The following CCDC6 variants were observed in gnomAD, a reference collection of about 807,000 sequenced individuals.
CCDC6 encodes coiled-coil domain containing 6.
Under a neutral mutation model 56.6 loss-of-function variants are expected in CCDC6, and 20 were observed. The ratio of observed to expected loss-of-function variants is 0.35; its 90% CI spans 0.25 to 0.51. The LOEUF (loss-of-function observed/expected upper bound fraction) is 0.51. Among genes scored for constraint, CCDC6 ranks in the 20% least tolerant of loss-of-function variants. The pLI is 0.95. For missense variants in CCDC6, 367 were observed against 601.1 expected (o/e 0.61, Z 4.07); for synonymous variants, 241 against 234.4 (o/e 1.03, Z -0.26).
At chr10:59,857,943 G>T (rs1474672165) in intron 1 of CCDC6, among the ~76,000 whole-genome samples, 4 of 152,164 alleles carry the variant, frequency 2.6e-5, no homozygotes, top group Non-Finnish European at 4.4e-5. Context: ...TGTTTAAACT[G>T]TCCTTTCCTA....
intron 1 of CCDC6, among the ~76,000 whole-genome samples, chr10:59,856,508 T>C (rs974298325): frequency 6.6e-6 from 1 of 152,184 alleles, no homozygotes; most frequent in Non-Finnish European, 1.5e-5. Context: ...TCAGTCTCTG[T>C]CTTAGTCCTG....
chr10:59,849,217 G>C (rs776367658), intron 2 of CCDC6, among the ~76,000 whole-genome samples: 1 of 152,112 alleles, frequency 6.6e-6, no homozygotes, highest in Non-Finnish European at 1.5e-5. Context: ...CCATGGCCTG[G>C]GCTCAGAAAG....
intron 1 of CCDC6, among the ~76,000 whole-genome samples, chr10:59,874,749 G>A (rs1293836478): frequency 1.3e-5 from 2 of 152,208 alleles, no homozygotes; most frequent in Non-Finnish European, 2.9e-5. Flanking sequence ...AGATCAGAGT[G>A]ATGCCTAATG....
chr10:59,836,995 T>C (rs770182615), intron 2 of CCDC6, among the ~76,000 whole-genome samples: 8 of 152,270 alleles, frequency 5.3e-5, no homozygotes, highest in Non-Finnish European at 1.2e-4. Context: ...TGATTAGATA[T>C]ATAGTCTCAA....
chr10:59,896,263 AGCAACCAT>A (rs2071462567), intron 1 of CCDC6, among the ~76,000 whole-genome samples: 1 of 152,224 alleles, frequency 6.6e-6, no homozygotes, highest in Non-Finnish European at 1.5e-5. Flanking sequence ...AAAAATAAAA[AGCAACCAT>A]GATCTGTGAA....
intron 3 of CCDC6, among the ~76,000 whole-genome samples, chr10:59,815,597 T>G (rs1589038719): frequency 6.6e-6 from 1 of 152,136 alleles, no homozygotes; most frequent in East Asian, 1.9e-4. Flanking sequence ...AGAGGGCTGG[T>G]AAGAGAGACT....
At chr10:59,886,039 A>C (rs2132678901) in intron 1 of CCDC6, among the ~76,000 whole-genome samples, 1 of 152,184 alleles carries the variant, frequency 6.6e-6, no homozygotes, top group Non-Finnish European at 1.5e-5. Flanking sequence ...AGAATGAACA[A>C]AGTTTTGTAA....
Position 59,852,649 on chromosome 10 carries a change from T to C in CCDC6, c.357A>G (p.Lys119=). The C allele has an allele frequency of 6.2e-7, 1 of 1,605,958 alleles. No individual in the cohort carries two copies. The highest frequency in any genetic ancestry group is 1.1e-5 in the South Asian group (1 of 89,322). Residue 119 remains lysine (K), a synonymous_variant, in exon 2 of 9, where the codon AAA becomes AAG. Transcript: ENST00000263102. ...EEFISNTLFK[K]IQALQKEKET... ...CTTTCTCCTTCTGCAAAGCCTGAAT[T>C]TTCTTGAATAAAGTGTTACTAATGA...
intron 1 of CCDC6, among the ~76,000 whole-genome samples, chr10:59,894,969 A>G (rs2071450961): frequency 1.3e-5 from 2 of 152,202 alleles, no homozygotes; most frequent in Non-Finnish European, 2.9e-5. Flanking sequence ...AGAACTGTAT[A>G]GGAACTTCTA....
At position 59,876,073 on chromosome 10, in the gene CCDC6, C is replaced by CTTTTTTT. The variant is rs1172379933; in HGVS notation, c.304-23378_304-23372dup. 5.3e-3 allele frequency among the ~76,000 whole-genome samples: 513 copies of CTTTTTTT among 97,542 alleles called. 137 individuals carry two copies. The highest frequency in any genetic ancestry group is 0.015 in the African/African-American group (368 of 24,206). The allele number at this position is 97,542 out of a possible 152,430, so 64.0% of individuals were successfully genotyped here. A position where few individuals can be genotyped will look rare whatever the true frequency, so the allele number is the denominator to read the frequency against. Reference sequence around the variant, plus strand: ...CATACACGAGTGCATGCACAGATGTCTTTTTTTTTTTTTTTTTTCAGATCG... The same window carrying CTTTTTTT: ...CATACACGAGTGCATGCACAGATGTCTTTTTTTTTTTTTTTTTTTTTTTTTCAGATCG... On this transcript the variant is annotated intron_variant, in intron 1 of 8. Transcript: ENST00000263102.
chr10:59,851,777 G>A (rs1337434554), intron 2 of CCDC6, among the ~76,000 whole-genome samples: 1 of 152,094 alleles, frequency 6.6e-6, no homozygotes, highest in Admixed American at 6.5e-5. Flanking sequence ...TAATAATGTT[G>A]ATAATTTTAT....
At chr10:59,796,937 C>T (rs2070525097) in intron 7 of CCDC6, among the ~76,000 whole-genome samples, 1 of 149,168 alleles carries the variant, frequency 6.7e-6, no homozygotes, top group Non-Finnish European at 1.5e-5. Flanking sequence ...TGCCACTGCA[C>T]TCCAGCCTGG....
chr10:59,897,508 G>C (rs1457709126), intron 1 of CCDC6, among the ~76,000 whole-genome samples: 2 of 152,058 alleles, frequency 1.3e-5, no homozygotes, highest in Non-Finnish European at 2.9e-5. Context: ...GCCTGCCTCG[G>C]CCTCCCCAAA....
At chr10:59,898,128 G>A (rs1340640942) in intron 1 of CCDC6, among the ~76,000 whole-genome samples, 1 of 152,044 alleles carries the variant, frequency 6.6e-6, no homozygotes, top group East Asian at 1.9e-4. Context: ...GATAGTTTCG[G>A]ATTAAAAACT....
At chr10:59,892,403 T>C (rs2071428917) in intron 1 of CCDC6, among the ~76,000 whole-genome samples, 2 of 152,114 alleles carry the variant, frequency 1.3e-5, no homozygotes, top group South Asian at 4.1e-4. Context: ...ACCAAACCCT[T>C]GGAAACCCAC....
intron 1 of CCDC6, among the ~76,000 whole-genome samples, chr10:59,871,558 C>A (rs1019986700): frequency 6.6e-6 from 1 of 150,994 alleles, no homozygotes; most frequent in Non-Finnish European, 1.5e-5. Context: ...AGGGATGGGG[C>A]CCCAAGGTTC....
At chr10:59,893,653 TACATAC>T in intron 1 of CCDC6, among the ~76,000 whole-genome samples, 1 of 149,694 alleles carries the variant, frequency 6.7e-6, no homozygotes, top group Non-Finnish European at 1.5e-5. Flanking sequence ...CATACATACA[TACATAC>T]ATACATACAA....
chr10:59,897,945 G>A (rs2071475950), intron 1 of CCDC6, among the ~76,000 whole-genome samples: 1 of 152,168 alleles, frequency 6.6e-6, no homozygotes, highest in African/African-American at 2.4e-5. Flanking sequence ...TGCCCTGGTG[G>A]GTATTACCCA....
At chr10:59,828,805 A>G (rs1186516719) in intron 3 of CCDC6, among the ~76,000 whole-genome samples, 1 of 152,142 alleles carries the variant, frequency 6.6e-6, no homozygotes, top group Non-Finnish European at 1.5e-5. Flanking sequence ...TGTTGTCCCA[A>G]TTTCTAAGAG....
Sources: allele counts gnomAD v4.1 joint callset (sites outside exome capture counted in the v4.1 genomes callset), GRCh38; gene constraint gnomAD v4.1.1; transcripts MANE v1.5; gene names NCBI Gene and HGNC (gene_info 2026-07-23, HGNC 2026-07-21).